The following CHL1 variants were observed in gnomAD, a reference collection of about 807,000 sequenced individuals.
CHL1 encodes neural cell adhesion molecule L1-like protein.
A neutral mutation model predicts 141.9 loss-of-function variants in CHL1; 96 were observed. That is an observed-to-expected ratio of 0.68 (90% CI 0.57 to 0.80). The LOEUF is 0.80. Among genes scored for constraint, CHL1 ranks in the 30% least tolerant of loss-of-function variants. The pLI is 0.00. For synonymous variants in CHL1, 613 were observed against 502.2 expected (o/e 1.22, Z -2.95); for missense variants, 1,820 against 1,457.2 (o/e 1.25, Z -4.05).
At chr3:256,407 C>CTA (rs1559344610) in intron 2 of CHL1, among the ~76,000 whole-genome samples, 2 of 152,182 alleles carry the variant, frequency 1.3e-5, no homozygotes, top group African/African-American at 4.8e-5. Flanking sequence ...ATAGAATTAT[C>CTA]TAGAGTTGTA....
intron 14 of CHL1, among the ~76,000 whole-genome samples, chr3:364,882 A>G (rs1021364286): frequency 1.3e-5 from 2 of 152,184 alleles, no homozygotes; most frequent in Admixed American, 6.5e-5. Context: ...GCCACAATGA[A>G]TATGCATTAC....
chr3:376,061 G>A (rs1349874653), intron 15 of CHL1, among the ~76,000 whole-genome samples: 1 of 152,164 alleles, frequency 6.6e-6, no homozygotes, highest in Non-Finnish European at 1.5e-5. Context: ...AAAAGATTGG[G>A]GCACGAAGAT....
At chr3:394,614 A>T in intron 23 of CHL1, 79 bp from the exon 24 acceptor site, 1 of 1,015,618 alleles carries the variant, frequency 9.8e-7, no homozygotes, top group Non-Finnish European at 1.5e-6. Context: ...CCACAAGCAT[A>T]AGGAGAAATG....
At chr3:328,450 C>T (rs1170443063) in intron 5 of CHL1, 96 bp downstream of exon 5, 1 of 1,002,832 alleles carries the variant, frequency 1.0e-6, no homozygotes. Flanking sequence ...CAGTTATTAA[C>T]TAAATCAACT....
intron 2 of CHL1, among the ~76,000 whole-genome samples, chr3:266,445 G>T (rs1695159120): frequency 6.6e-6 from 1 of 152,148 alleles, no homozygotes; most frequent in African/African-American, 2.4e-5. Context: ...CAGGCATCAT[G>T]TTCTTACTTA....
intron 15 of CHL1, among the ~76,000 whole-genome samples, chr3:368,239 C>G (rs1408366391): frequency 6.6e-6 from 1 of 152,180 alleles, no homozygotes; most frequent in Admixed American, 6.5e-5. Context: ...TCCTTTTTCT[C>G]TGCAGCCTCA....
At chr3:289,008 TCTTC>T (rs1697423541) in intron 2 of CHL1, among the ~76,000 whole-genome samples, 1 of 152,230 alleles carries the variant, frequency 6.6e-6, no homozygotes, top group South Asian at 2.1e-4. Flanking sequence ...AATCAACATT[TCTTC>T]CTTTGGAAAA....
chr3:273,066 C>T (rs544610564), intron 2 of CHL1, among the ~76,000 whole-genome samples: 2 of 152,094 alleles, frequency 1.3e-5, no homozygotes, highest in African/African-American at 4.8e-5. Context: ...GACATCTCTG[C>T]GAAGATCTGG....
chr3:406,368 T>C lies in CHL1; in HGVS notation c.*657T>C, dbSNP rs1709531617. On this transcript the variant is annotated 3_prime_UTR_variant, in exon 28 of 28. Transcript: ENST00000256509. ...CATGAATTTTTTTATTTCTGTCAGT[T>C]ATGACATCCACAAGCATCACTTTTT... 6.6e-6 allele frequency: 1 copy of C among 150,950 alleles called. No individual in the cohort carries two copies. 9.4% of individuals were successfully genotyped at this position (150,950 alleles called of 1,614,324 possible). A position where few individuals can be genotyped will look rare whatever the true frequency, so the allele number is the denominator to read the frequency against.
rs1400267626 is a variant in CHL1 at position 361,781 on chromosome 3, C to T, written c.1389C>T (p.Phe463=). 1.2e-6 allele frequency: 2 copies of T among 1,613,334 alleles called. No individual in the cohort carries two copies. Among genetic ancestry groups the T allele is most frequent in the East Asian group, 2.2e-5 (1 of 44,874 alleles). Reference sequence around the variant, plus strand: ...ACAGTGCTTTCTTACATTGCGAGTTCTTTGCTTCACCTGAGGCAGTCGTGT... The same window carrying T: ...ACAGTGCTTTCTTACATTGCGAGTTTTTTGCTTCACCTGAGGCAGTCGTGT... ...VGYSAFLHCE[F]FASPEAVVSW... is the part of the protein sequence containing the mutation. Residue 463 remains phenylalanine (F), a synonymous_variant, in exon 13 of 28, where the codon TTC becomes TTT. Transcript: ENST00000256509.
In CHL1 at chr3:406,082, A is replaced by G. The variant is rs1709514795; in HGVS notation, c.*371A>G. The G allele has an allele frequency of 4.8e-6, 1 of 210,494 alleles. No individual in the cohort carries two copies. Among genetic ancestry groups the G allele is most frequent in the Admixed American group, 5.5e-5 (1 of 18,328 alleles). 13.0% of individuals were successfully genotyped at this position (210,494 alleles called of 1,614,324 possible). A position where few individuals can be genotyped will look rare whatever the true frequency, so the allele number is the denominator to read the frequency against. On this transcript the variant is annotated 3_prime_UTR_variant, in exon 28 of 28. Transcript: ENST00000256509. Reference sequence around the variant, plus strand: ...TTGGTGGGTTTTTCTCCGTATGCACATTGGTATACAGTCTCTGAGAACTGG... The same window carrying G: ...TTGGTGGGTTTTTCTCCGTATGCACGTTGGTATACAGTCTCTGAGAACTGG...
At chr3:308,359 A>G (rs1260073050) in intron 2 of CHL1, among the ~76,000 whole-genome samples, 1 of 152,136 alleles carries the variant, frequency 6.6e-6, no homozygotes, top group Non-Finnish European at 1.5e-5. Context: ...TCTCCTACAA[A>G]TATGTAGACA....
chr3:198,527 G>A (rs1698615074), intron 1 of CHL1, among the ~76,000 whole-genome samples: 1 of 152,202 alleles, frequency 6.6e-6, no homozygotes, highest in Non-Finnish European at 1.5e-5. Flanking sequence ...ATTTAACTAC[G>A]TGCCTCAGTT....
At chr3:215,527 A>G (rs1319627188) in intron 1 of CHL1, among the ~76,000 whole-genome samples, 2 of 152,184 alleles carry the variant, frequency 1.3e-5, no homozygotes, top group African/African-American at 4.8e-5. Flanking sequence ...TATAGTTTGT[A>G]TTTCCAAATA....
chr3:357,784 C>A (rs190315566), intron 11 of CHL1, among the ~76,000 whole-genome samples: 9 of 152,322 alleles, frequency 5.9e-5, no homozygotes, highest in Admixed American at 5.9e-4. Flanking sequence ...AATAAAGTAT[C>A]ATTTATATAG....
chr3:243,966 T>A (rs534967497), intron 1 of CHL1, among the ~76,000 whole-genome samples: 10 of 152,320 alleles, frequency 6.6e-5, no homozygotes, highest in African/African-American at 2.2e-4. Context: ...GCTTAAGCAA[T>A]CTTTCTGAGA....
chr3:210,516 G>A (rs1396051960), intron 1 of CHL1, among the ~76,000 whole-genome samples: 2 of 152,214 alleles, frequency 1.3e-5, no homozygotes, highest in Non-Finnish European at 2.9e-5. Context: ...TAGTCACAGG[G>A]CCTCTCTCCT....
chr3:322,671 A>AATT (rs1700691379), intron 3 of CHL1, among the ~76,000 whole-genome samples: 1 of 124,832 alleles, frequency 8.0e-6, no homozygotes, highest in Non-Finnish European at 1.7e-5. Context: ...TATATATATA[A>AATT]TTATATATAT....
intron 12 of CHL1, among the ~76,000 whole-genome samples, chr3:361,050 A>G (rs1704199397): frequency 6.6e-6 from 1 of 152,122 alleles, no homozygotes; most frequent in Non-Finnish European, 1.5e-5. Context: ...CGCAAAAAAC[A>G]TACGTGTGCA....
Sources: allele counts gnomAD v4.1 joint callset (sites outside exome capture counted in the v4.1 genomes callset), GRCh38; gene constraint gnomAD v4.1.1; transcripts MANE v1.5; gene names NCBI Gene and HGNC (gene_info 2026-07-23, HGNC 2026-07-21).